ZNF69: variants seen among roughly 807,000 people sequenced by gnomAD.
ZNF69 encodes ZNF3.
Under a neutral mutation model 50.9 loss-of-function variants are expected in ZNF69, and 47 were observed. That is an observed-to-expected ratio of 0.92 (90% confidence interval 0.73 to 1.18). The LOEUF is 1.18. Among genes scored for constraint, ZNF69 ranks in the 50% most tolerant of loss-of-function variants. The pLI is 0.00. For missense variants in ZNF69, 717 were observed against 675.1 expected (o/e 1.06, Z -0.69); for synonymous variants, 216 against 223.1 (o/e 0.97, Z 0.29).
At chr19:11,968,024 T>C in the ZNF69 span, among the ~76,000 whole-genome samples, 1 of 152,140 alleles carries the variant, frequency 6.6e-6, no homozygotes, top group Non-Finnish European at 1.5e-5. Context: ...GTTGTGGGAG[T>C]GTAAGGATAC....
At chr19:11,964,274 G>A in the ZNF69 span, among the ~76,000 whole-genome samples, 1 of 152,216 alleles carries the variant, frequency 6.6e-6, no homozygotes, top group African/African-American at 2.4e-5. Context: ...CCTTTGTGGG[G>A]TTCTGTCCTT....
chr19:11,924,569 C>A, the ZNF69 span, among the ~76,000 whole-genome samples: 2 of 152,020 alleles, frequency 1.3e-5, no homozygotes, highest in Non-Finnish European at 2.9e-5. Context: ...AGAAACAAAA[C>A]CTGGTGAGAG....
At chr19:11,903,536 C>G (rs776753035) in intron 1 of ZNF69, 37 bp from the exon 2 acceptor site, 1 of 1,611,488 alleles carries the variant, frequency 6.2e-7, no homozygotes. Flanking sequence ...TGCTGTCACT[C>G]TCACCCATCC....
At chr19:11,969,873 T>C in the ZNF69 span, among the ~76,000 whole-genome samples, 1 of 152,224 alleles carries the variant, frequency 6.6e-6, no homozygotes, top group African/African-American at 2.4e-5. Context: ...ATGAGGTTCC[T>C]TTCTGGAAAC....
At chr19:11,927,600 ATG>A in the ZNF69 span, among the ~76,000 whole-genome samples, 1 of 152,158 alleles carries the variant, frequency 6.6e-6, no homozygotes, top group East Asian at 1.9e-4. Context: ...ACCTGTGCCT[ATG>A]TGCATGTGGG....
chr19:11,948,738 T>C, the ZNF69 span: 38 of 1,612,714 alleles, frequency 2.4e-5, no homozygotes, highest in South Asian at 3.2e-4. Context: ...GTTTATATCT[T>C]ATCCATGAAA....
At chr19:11,946,890 C>T in the ZNF69 span, 1 of 373,062 alleles carries the variant, frequency 2.7e-6, no homozygotes, top group Admixed American at 4.8e-5. Flanking sequence ...ATCCCAGCTA[C>T]TCGGGAGGCT....
At chr19:11,901,639 C>T (rs1464078157) in intron 1 of ZNF69, among the ~76,000 whole-genome samples, 1 of 152,098 alleles carries the variant, frequency 6.6e-6, no homozygotes, top group Non-Finnish European at 1.5e-5. Flanking sequence ...CATGTGCCAC[C>T]ATGCCTGGCT....
the ZNF69 span, among the ~76,000 whole-genome samples, chr19:11,971,397 T>TG: frequency 1.6e-4 from 24 of 152,280 alleles, no homozygotes; most frequent in East Asian, 2.5e-3. Context: ...AATACTATAG[T>TG]GGGGGGTAGG....
chr19:11,965,420 G>T, the ZNF69 span, among the ~76,000 whole-genome samples: 3 of 152,200 alleles, frequency 2.0e-5, no homozygotes, highest in Non-Finnish European at 2.9e-5. Context: ...CTGTCCCTGC[G>T]CGGTGACTGC....
At chr19:11,889,780 G>A (rs1977038306) in intron 1 of ZNF69, among the ~76,000 whole-genome samples, 1 of 152,212 alleles carries the variant, frequency 6.6e-6, no homozygotes, top group Non-Finnish European at 1.5e-5. Context: ...TGGTCTCTGA[G>A]TTCCCTCAGT....
chr19:11,970,426 C>A, the ZNF69 span, among the ~76,000 whole-genome samples: 1 of 151,960 alleles, frequency 6.6e-6, no homozygotes, highest in Non-Finnish European at 1.5e-5. Context: ...GTTATAACAA[C>A]GTTAAATCCA....
chr19:11,931,588 G>A, the ZNF69 span, among the ~76,000 whole-genome samples: 1 of 147,922 alleles, frequency 6.8e-6, no homozygotes, highest in East Asian at 1.9e-4. Context: ...GTCTTTAGAA[G>A]TACCTTTTTC....
intron 4 of ZNF69, among the ~76,000 whole-genome samples, chr19:11,912,183 G>A (rs1972467858): frequency 6.6e-6 from 1 of 152,184 alleles, no homozygotes; most frequent in Admixed American, 6.6e-5. Context: ...GACACACACT[G>A]GAGAGAAACC....
the ZNF69 span, among the ~76,000 whole-genome samples, chr19:11,942,675 A>G: frequency 2.6e-5 from 4 of 152,230 alleles, no homozygotes; most frequent in Non-Finnish European, 5.9e-5. Flanking sequence ...GGCTGCATGC[A>G]TCGGTAACAG....
intron 1 of ZNF69, among the ~76,000 whole-genome samples, chr19:11,899,497 T>A (rs1410459406): frequency 6.6e-6 from 1 of 152,106 alleles, no homozygotes. Context: ...TCTTTATTCA[T>A]CTACTGAAAG....
the ZNF69 span, among the ~76,000 whole-genome samples, chr19:11,954,546 C>G: frequency 1.3e-5 from 2 of 152,138 alleles, no homozygotes; most frequent in Admixed American, 6.5e-5. Flanking sequence ...AAGAATTATT[C>G]ATTGCTGGGC....
chr19:11,889,418 G>A (rs1246363544), intron 1 of ZNF69, among the ~76,000 whole-genome samples: 2 of 152,118 alleles, frequency 1.3e-5, no homozygotes, highest in African/African-American at 4.8e-5. Context: ...GTTTTTTGGG[G>A]GTTCCCTTGG....
At chr19:11,935,255 G>A in the ZNF69 span, among the ~76,000 whole-genome samples, 763 of 26,840 alleles carry the variant, frequency 0.028, 20 homozygotes, top group African/African-American at 0.084. Context: ...TTTTTTTTTT[G>A]AGACTGTGTC....
Sources: gnomAD v4.1 joint callset for allele counts (sites outside exome capture counted in the v4.1 genomes callset) on GRCh38, gnomAD v4.1.1 for gene constraint, MANE v1.5 for transcripts, NCBI Gene and HGNC (gene_info 2026-07-23, HGNC 2026-07-21) for gene names.